The following DLG2 variants were observed in gnomAD, a reference collection of about 807,000 sequenced individuals.
DLG2 encodes the protein discs large MAGUK scaffold protein 2, also known as disks large homolog 2.
In DLG2, 45 loss-of-function variants were observed where a neutral mutation model predicts 132.5. That is an observed-to-expected ratio of 0.34 (90% CI 0.27 to 0.44). The LOEUF (loss-of-function observed/expected upper bound fraction) is 0.44, where lower values mean the gene tolerates loss of function less well. Among genes scored for constraint, DLG2 ranks in the 20% least tolerant of loss-of-function variants. The probability of loss-of-function intolerance (pLI) is 1.00; values close to 1 mark genes in which losing one functional copy is unlikely to be tolerated. For missense variants in DLG2, 1,045 were observed against 1,196.9 expected (o/e 0.87, Z 1.87); for synonymous variants, 424 against 419.6 (o/e 1.01, Z -0.13).
At chr11:84,935,837 T>C (rs531831705) in intron 6 of DLG2, among the ~76,000 whole-genome samples, 1 of 152,290 alleles carries the variant, frequency 6.6e-6, no homozygotes, top group East Asian at 1.9e-4. Context: ...AGCCAAAACA[T>C]ATTTAAATAT....
intron 21 of DLG2, among the ~76,000 whole-genome samples, chr11:83,524,443 T>C (rs2095557216): frequency 6.6e-6 from 1 of 152,114 alleles, no homozygotes; most frequent in South Asian, 2.1e-4. Flanking sequence ...TTTTTCCTGC[T>C]GAAAATTTTC....
chr11:84,844,131 GTGTGTATATA>G (rs1338567682), intron 6 of DLG2, among the ~76,000 whole-genome samples: 3 of 26,366 alleles, frequency 1.1e-4, no homozygotes, highest in Admixed American at 3.7e-4. Flanking sequence ...GTGTGTGTGT[GTGTGTATATA>G]TATATATATA....
At chr11:85,379,940 G>A (rs578087336) in intron 3 of DLG2, among the ~76,000 whole-genome samples, 1 of 152,118 alleles carries the variant, frequency 6.6e-6, no homozygotes, top group Admixed American at 6.5e-5. Flanking sequence ...TTATTTACAA[G>A]CCTTATCACT....
At chr11:84,766,737 A>T (rs2068471833) in intron 6 of DLG2, among the ~76,000 whole-genome samples, 1 of 152,096 alleles carries the variant, frequency 6.6e-6, no homozygotes. Flanking sequence ...TAGGGTAATT[A>T]GTAGGGGAGG....
intron 10 of DLG2, among the ~76,000 whole-genome samples, chr11:84,060,362 T>C (rs991854014): frequency 1.1e-4 from 16 of 152,098 alleles, no homozygotes; most frequent in African/African-American, 3.1e-4. Flanking sequence ...GTCAGCTTTC[T>C]GGCAAATTAT....
At chr11:84,089,453 A>T (rs936976972) in intron 10 of DLG2, among the ~76,000 whole-genome samples, 1 of 151,774 alleles carries the variant, frequency 6.6e-6, no homozygotes, top group African/African-American at 2.4e-5. Context: ...TAAAATCATC[A>T]CTGAGTTAGT....
At chr11:83,609,212 T>A (rs977086595) in intron 19 of DLG2, among the ~76,000 whole-genome samples, 2 of 152,226 alleles carry the variant, frequency 1.3e-5, no homozygotes, top group Admixed American at 6.5e-5. Flanking sequence ...TGAAATAAAC[T>A]TAGAAGATTT....
chr11:85,122,946 A>AT (rs2152373391), intron 5 of DLG2, among the ~76,000 whole-genome samples: 1 of 76,444 alleles, frequency 1.3e-5, no homozygotes, highest in East Asian at 5.6e-4. Flanking sequence ...GTCTGTATAT[A>AT]TATTATATAT....
chr11:84,251,035 G>A (rs542092759), intron 8 of DLG2, among the ~76,000 whole-genome samples: 2 of 152,090 alleles, frequency 1.3e-5, no homozygotes, highest in Non-Finnish European at 2.9e-5. Context: ...GGGCCCTTGT[G>A]TTTTACAAAA....
chr11:84,801,214 A>G (rs2075329536), intron 6 of DLG2, among the ~76,000 whole-genome samples: 1 of 152,196 alleles, frequency 6.6e-6, no homozygotes. Context: ...AGCAATTTCA[A>G]CAAAAGCAGC....
intron 6 of DLG2, among the ~76,000 whole-genome samples, chr11:84,963,879 C>A (rs908635002): frequency 6.6e-5 from 10 of 152,122 alleles, no homozygotes; most frequent in Non-Finnish European, 1.0e-4. Flanking sequence ...TGACTTTACA[C>A]AGGGGAAACG....
intron 6 of DLG2, among the ~76,000 whole-genome samples, chr11:84,648,234 T>C (rs901267568): frequency 3.9e-5 from 6 of 152,158 alleles, no homozygotes; most frequent in Admixed American, 1.3e-4. Context: ...TGGAGATGCA[T>C]AGAAGAAGAA....
chr11:83,507,472 T>C (rs866671227), intron 21 of DLG2, among the ~76,000 whole-genome samples: 12 of 62,286 alleles, frequency 1.9e-4, no homozygotes, highest in African/African-American at 6.3e-4. Context: ...ATATACCCTA[T>C]ATATATATAT....
rs1365643673 is a variant in DLG2, at chr11:84,534,928, G to A, written c.358-197C>T. On this transcript the variant is annotated intron_variant, in intron 6 of 27. Coordinates refer to ENST00000376104, the MANE Select transcript of DLG2 (RefSeq NM_001142699.3). ...ATGCAAGCAGAACTGAGTTAACCAC[G>A]AATATTGACCAATGTCCAGACTTGT... 57 of 707,296 alleles carry A rather than the reference G, an allele frequency of 8.1e-5. No homozygotes were observed. The Admixed American group carries it at 8.4e-4, about 10-fold the overall frequency. The allele number at this position is 707,296 out of a possible 1,614,324, so 43.8% of individuals were successfully genotyped here.
At chr11:83,963,131 C>T in intron 13 of DLG2, 108 bp from the exon 14 acceptor site, 1 of 1,276,752 alleles carries the variant, frequency 7.8e-7, no homozygotes, top group East Asian at 2.3e-5. Flanking sequence ...TTGCTGCATG[C>T]CAAGGTTTTT....
intron 6 of DLG2, among the ~76,000 whole-genome samples, chr11:84,559,491 G>C (rs1292786876): frequency 6.6e-6 from 1 of 152,064 alleles, no homozygotes; most frequent in Admixed American, 6.6e-5. Context: ...CCATAATTCA[G>C]TTGACACATA....
intron 26 of DLG2, 161 bp from the exon 27 acceptor site, chr11:83,462,254 C>T (rs1345071201): frequency 1.8e-6 from 1 of 567,806 alleles, no homozygotes; most frequent in Non-Finnish European, 3.1e-6. Context: ...ATAATTTCAG[C>T]AACAAGGACT....
chr11:83,494,151 C>T (rs1003670866), intron 21 of DLG2, among the ~76,000 whole-genome samples: 7 of 151,994 alleles, frequency 4.6e-5, no homozygotes, highest in African/African-American at 1.7e-4. Context: ...CATCATCAAG[C>T]TGCTCTGGCA....
At chr11:84,539,240 T>C (rs568389163) in intron 6 of DLG2, among the ~76,000 whole-genome samples, 1 of 152,330 alleles carries the variant, frequency 6.6e-6, no homozygotes, top group African/African-American at 2.4e-5. Flanking sequence ...AGGTTTCAAA[T>C]ACATGTTAAT....
Sources: gnomAD v4.1 joint callset for allele counts (sites outside exome capture counted in the v4.1 genomes callset) on GRCh38, gnomAD v4.1.1 for gene constraint, MANE v1.5 for transcripts, NCBI Gene and HGNC (gene_info 2026-07-23, HGNC 2026-07-21) for gene names.